Variants in COPB2 observed in about 807,000 individuals in gnomAD.
COPB2 encodes coat protein complex I subunit beta 2.
Under a neutral mutation model 120.8 loss-of-function variants are expected in COPB2, and 16 were observed. That is an observed-to-expected ratio of 0.13 (90% CI 0.09 to 0.20). The LOEUF (loss-of-function observed/expected upper bound fraction) is 0.20, where lower values mean the gene tolerates loss of function less well. Among genes scored for constraint, COPB2 ranks in the 10% least tolerant of loss-of-function variants. The probability of loss-of-function intolerance (pLI) is 1.00; values close to 1 mark genes in which losing one functional copy is unlikely to be tolerated. For synonymous variants in COPB2, 332 were observed against 366.3 expected (o/e 0.91, Z 1.07); for missense variants, 794 against 1,076.5 (o/e 0.74, Z 3.67).
At chr3:139,377,701 G>A (rs561479269) in intron 5 of COPB2, among the ~76,000 whole-genome samples, 17 of 152,310 alleles carry the variant, frequency 1.1e-4, no homozygotes, top group African/African-American at 4.1e-4. Flanking sequence ...GATAAACGAT[G>A]AGCAGAAGTC....
chr3:139,375,707 A>G (rs527251240), intron 5 of COPB2, 93 bp from the exon 6 acceptor site: 1 of 1,400,424 alleles, frequency 7.1e-7, no homozygotes, highest in South Asian at 1.5e-5. Context: ...GTAAAATGCC[A>G]AAGCCCAGGA....
chr3:139,383,642 G>C (rs1203377995), intron 1 of COPB2, among the ~76,000 whole-genome samples: 1 of 152,026 alleles, frequency 6.6e-6, no homozygotes, highest in Non-Finnish European at 1.5e-5. Context: ...TTACAGCAGT[G>C]GTCTTCAAGC....
chr3:139,366,222 A>G (rs1941512262), intron 15 of COPB2, among the ~76,000 whole-genome samples: 1 of 152,084 alleles, frequency 6.6e-6, no homozygotes, highest in African/African-American at 2.4e-5. Flanking sequence ...AAGTCATGTC[A>G]TGGTACATTT....
chr3:139,389,369 C>A (rs1432775698), intron 1 of COPB2, 179 bp downstream of exon 1: 2 of 1,016,970 alleles, frequency 2.0e-6, no homozygotes, highest in African/African-American at 1.7e-5. Flanking sequence ...TCACCCCGGT[C>A]CCCTAGGCCC....
At chr3:139,375,407 C>T in intron 6 of COPB2, 61 bp downstream of exon 6, 1 of 1,544,390 alleles carries the variant, frequency 6.5e-7, no homozygotes, top group South Asian at 1.3e-5. Context: ...TCTTAACTGT[C>T]CTATAAGAAA....
At position 139,358,203 on chromosome 3, in the gene COPB2, T is replaced by TTCTTC; in HGVS notation, c.2617_2621dup (p.Ser876LysfsTer7). 1.2e-6 allele frequency: 2 copies of TTCTTC among 1,614,056 alleles called. No individual in the cohort carries two copies. Among genetic ancestry groups the TTCTTC allele is most frequent in the Non-Finnish European group, 1.7e-6 (2 of 1,179,912 alleles). Reference sequence around the variant, plus strand: ...TTGAGTATGATGTCTGACCTACCTTTTCTTCTTTGTTGGCTGTGTGGGAGG... The same window carrying TTCTTC: ...TTGAGTATGATGTCTGACCTACCTTTTCTTCTCTTCTTTGTTGGCTGTGTGGGAGG... On this transcript the variant is annotated frameshift_variant, in exon 21 of 22. Transcript: ENST00000333188. LOFTEE classifies it high-confidence loss of function.
intron 2 of COPB2, chr3:139,382,430 C>G (rs1259723888): frequency 6.6e-6 from 1 of 152,308 alleles, no homozygotes; most frequent in South Asian, 2.1e-4. Flanking sequence ...AAACCTCTTT[C>G]CTTCATAAAT....
rs538025993 is a variant in COPB2 at position 139,387,044 on chromosome 3, CA to C, written c.3+2503del. ...TGAAACCCCGTCTCTACTAAAAATA[CA>C]AAAAAAAAAAAAAAAATTAGTTGGA... On this transcript the variant is annotated intron_variant, in intron 1 of 21. Transcript: ENST00000333188. Among the ~76,000 whole-genome samples, 553 of 121,246 alleles carry C rather than the reference CA, an allele frequency of 4.6e-3. 2 individuals carry two copies. The highest frequency in any genetic ancestry group is 8.7e-3 in the African/African-American group (255 of 29,462). The allele number at this position is 121,246 out of a possible 152,430, so 79.5% of individuals were successfully genotyped here. A position where few individuals can be genotyped will look rare whatever the true frequency, so the allele number is the denominator to read the frequency against.
At chr3:139,358,533 G>A (rs926222710) in intron 20 of COPB2, 4 of 600,326 alleles carry the variant, frequency 6.7e-6, no homozygotes, top group Non-Finnish European at 1.2e-5. Flanking sequence ...AAAAAAATTA[G>A]CCGGACCGGT....
Position 139,383,538 on chromosome 3 carries a change from A to G in COPB2, c.4-103T>C, listed in dbSNP as rs1941853019. 5 of 1,052,674 alleles carry G rather than the reference A, an allele frequency of 4.7e-6. No individual in the cohort carries two copies. In the South Asian group the frequency reaches 6.7e-5, roughly 14 times the overall value. The allele number at this position is 1,052,674 out of a possible 1,614,324, so 65.2% of individuals were successfully genotyped here. A position where few individuals can be genotyped will look rare whatever the true frequency, so the allele number is the denominator to read the frequency against. On this transcript the variant is annotated intron_variant, in intron 1 of 21. Coordinates refer to ENST00000333188, the MANE Select transcript of COPB2 (RefSeq NM_004766.3). ...AATAGGCCTACAAAACAATTCAGCT[A>G]CTACTTTGCTAAGCTTTTGAAACAG...
Position 139,379,054 on chromosome 3 carries a change from A to G in COPB2, c.348T>C (p.Thr116=). The change falls in exon 4 of 22, where the codon ACT becomes ACC. Residue 116 remains threonine, a synonymous_variant. Transcript: ENST00000333188. Reference sequence around the variant, plus strand: ...AAAAAGGTCATCTCTTACCACTGCTAGTTAGAATGAAAGGCTGGGTTGGAT... The same window carrying G: ...AAAAAGGTCATCTCTTACCACTGCTGGTTAGAATGAAAGGCTGGGTTGGAT... The part of the protein sequence containing the change: ...AVHPTQPFIL[T]SSDDMLIKLW... 2 of 1,596,394 alleles carry G rather than the reference A, an allele frequency of 1.3e-6. No individual in the cohort carries two copies. Among genetic ancestry groups the G allele is most frequent in the South Asian group, 1.1e-5 (1 of 86,988 alleles).
At chr3:139,371,600 CT>C in intron 10 of COPB2, 122 bp downstream of exon 10, 1 of 746,148 alleles carries the variant, frequency 1.3e-6, no homozygotes, top group Non-Finnish European at 2.2e-6. Flanking sequence ...CAATGGACAG[CT>C]CTGGTGAGAA....
intron 13 of COPB2, among the ~76,000 whole-genome samples, 174 bp downstream of exon 13, chr3:139,367,971 T>A (rs1456012386): frequency 6.6e-6 from 1 of 152,248 alleles, no homozygotes; most frequent in Non-Finnish European, 1.5e-5. Flanking sequence ...ATATTTATTT[T>A]AAATTTTGAT....
chr3:139,365,419 T>A (rs1017825842), intron 15 of COPB2, among the ~76,000 whole-genome samples: 14 of 152,230 alleles, frequency 9.2e-5, no homozygotes, highest in African/African-American at 3.4e-4. Flanking sequence ...TGGTTGAATA[T>A]GTTTTAGGGT....
chr3:139,389,660 G>T (rs1576383775), upstream of COPB2: 1 of 1,199,286 alleles, frequency 8.3e-7, no homozygotes, highest in East Asian at 2.8e-5. Flanking sequence ...GAACTTCCGG[G>T]AGCCGATTCT....
intron 2 of COPB2, chr3:139,382,059 A>G (rs1273576248): frequency 1.3e-5 from 2 of 152,218 alleles, no homozygotes; most frequent in Admixed American, 1.3e-4. Context: ...TGTGCCAGGT[A>G]ATGTTATAGG....
rs1247434131 is a variant in COPB2 at position 139,383,376 on chromosome 3, C to T, written c.63G>A (p.Val21=). The stretch of plus-strand genomic sequence containing the variant: ...TCCATGGCTCTGTAGGATGCAGATC[C>T]ACACTCTTAACTCGATCAGATCTAG... ...LTARSDRVKS[V]DLHPTEPWML... The change falls in exon 2 of 22, where the codon GTG becomes GTA. Residue 21 remains valine, a synonymous_variant. Coordinates refer to ENST00000333188, the MANE Select transcript of COPB2 (RefSeq NM_004766.3). 2 of 1,610,330 alleles carry T rather than the reference C, an allele frequency of 1.2e-6. No homozygotes were observed. Among genetic ancestry groups the T allele is most frequent in the Non-Finnish European group, 1.7e-6 (2 of 1,178,320 alleles).
rs755482077 is a variant in COPB2 at position 139,359,191 on chromosome 3, T to A, written c.2304-13A>T. 6.2e-7 allele frequency: 1 copy of A among 1,612,226 alleles called. No homozygotes were observed. The highest frequency in any genetic ancestry group is 1.7e-5 in the Admixed American group (1 of 59,736). ...GAGTTTCACTACCCTATTATAGACA[T>A]CATGGAACCAAAGAGAGACTAAGTA... On this transcript the variant is annotated splice_polypyrimidine_tract_variant and intron_variant, in intron 18 of 21. Coordinates refer to ENST00000333188, the MANE Select transcript of COPB2 (RefSeq NM_004766.3).
intron 1 of COPB2, among the ~76,000 whole-genome samples, chr3:139,386,873 T>C (rs1055038408): frequency 6.6e-6 from 1 of 151,980 alleles, no homozygotes; most frequent in Non-Finnish European, 1.5e-5. Context: ...AGTAAACCTC[T>C]ACATACTCCC....
Sources: gnomAD v4.1 joint callset for allele counts (sites outside exome capture counted in the v4.1 genomes callset) on GRCh38, gnomAD v4.1.1 for gene constraint, MANE v1.5 for transcripts, NCBI Gene and HGNC (gene_info 2026-07-23, HGNC 2026-07-21) for gene names.